The following POU3F3 variants were observed in gnomAD, a reference collection of about 807,000 sequenced individuals.
POU3F3 encodes POU domain, class 3, transcription factor 3.
Under a neutral mutation model 8.6 loss-of-function variants are expected in POU3F3, and 1 was observed. That is an observed-to-expected ratio of 0.12 (90% confidence interval 0.04 to 0.55). POU3F3 has a LOEUF of 0.55. Among genes scored for constraint, POU3F3 ranks in the 20% least tolerant of loss-of-function variants. POU3F3 has a pLI of 0.91. For missense variants in POU3F3, 577 were observed against 690.7 expected (o/e 0.84, Z 1.84); for synonymous variants, 418 against 327.4 (o/e 1.28, Z -2.99).
the POU3F3 span, among the ~76,000 whole-genome samples, chr2:104,922,677 A>T: frequency 6.6e-6 from 1 of 152,216 alleles, no homozygotes; most frequent in Non-Finnish European, 1.5e-5. Context: ...CAAGTGGGCC[A>T]ACATACATTG....
chr2:104,925,386 G>A, the POU3F3 span, among the ~76,000 whole-genome samples: 1 of 152,206 alleles, frequency 6.6e-6, no homozygotes, highest in Non-Finnish European at 1.5e-5. Context: ...GTGCTTGTGA[G>A]ATTGGAAATA....
the POU3F3 span, among the ~76,000 whole-genome samples, chr2:104,874,205 C>T: frequency 6.6e-6 from 1 of 152,132 alleles, no homozygotes; most frequent in Non-Finnish European, 1.5e-5. Flanking sequence ...AAGAACTGTC[C>T]TGGGGATTGG....
the POU3F3 span, among the ~76,000 whole-genome samples, chr2:104,875,160 C>G: frequency 6.6e-6 from 1 of 152,200 alleles, no homozygotes; most frequent in Non-Finnish European, 1.5e-5. Context: ...TAGCATGTAG[C>G]AGAATTTCCT....
At chr2:104,864,832 T>C in the POU3F3 span, among the ~76,000 whole-genome samples, 1 of 152,216 alleles carries the variant, frequency 6.6e-6, no homozygotes, top group Non-Finnish European at 1.5e-5. Flanking sequence ...GCTTTTGTTT[T>C]CTTTTTTACT....
the POU3F3 span, among the ~76,000 whole-genome samples, chr2:104,882,855 T>TA: frequency 6.6e-6 from 1 of 152,102 alleles, no homozygotes; most frequent in Non-Finnish European, 1.5e-5. Context: ...TTTCTTCCTC[T>TA]AAAAAAACCA....
At chr2:104,887,271 A>G in the POU3F3 span, among the ~76,000 whole-genome samples, 1 of 152,146 alleles carries the variant, frequency 6.6e-6, no homozygotes, top group Non-Finnish European at 1.5e-5. Context: ...CCAACCTTCT[A>G]TCTCATCCTG....
the POU3F3 span, among the ~76,000 whole-genome samples, chr2:104,884,685 C>T: frequency 1.3e-5 from 2 of 152,168 alleles, no homozygotes; most frequent in African/African-American, 4.8e-5. Flanking sequence ...CTTACAAGGA[C>T]TCTTCTCTAA....
the POU3F3 span, among the ~76,000 whole-genome samples, chr2:104,882,828 T>A: frequency 6.6e-6 from 1 of 152,218 alleles, no homozygotes; most frequent in Non-Finnish European, 1.5e-5. Flanking sequence ...TCTTTCCTTT[T>A]TAAATTTTAA....
downstream of POU3F3, chr2:104,858,610 GAA>G (rs1676619885): frequency 6.6e-6 from 1 of 152,160 alleles, no homozygotes; most frequent in South Asian, 2.1e-4. Flanking sequence ...TGTGTGGGAA[GAA>G]AAGAGTTCTT....
chr2:104,893,883 CAAAAAAAAAA>C, the POU3F3 span, among the ~76,000 whole-genome samples: 3 of 87,802 alleles, frequency 3.4e-5, no homozygotes, highest in East Asian at 1.1e-3. Context: ...AACTCTGTCT[CAAAAAAAAAA>C]AAAAAAAAAA....
chr2:104,890,520 A>T, the POU3F3 span, among the ~76,000 whole-genome samples: 2 of 152,032 alleles, frequency 1.3e-5, no homozygotes, highest in East Asian at 3.9e-4. Flanking sequence ...CCTGCTTCTG[A>T]TAAGAGAGGG....
chr2:104,923,344 C>T, the POU3F3 span, among the ~76,000 whole-genome samples: 1 of 152,048 alleles, frequency 6.6e-6, no homozygotes, highest in African/African-American at 2.4e-5. Flanking sequence ...TTGGTTTTGG[C>T]CATGCAATAT....
the POU3F3 span, among the ~76,000 whole-genome samples, chr2:104,869,269 A>T: frequency 6.6e-6 from 1 of 152,246 alleles, no homozygotes; most frequent in African/African-American, 2.4e-5. Flanking sequence ...TACAGGGGAC[A>T]GGTTCTGAAC....
At chr2:104,894,487 G>C in the POU3F3 span, among the ~76,000 whole-genome samples, 8 of 152,278 alleles carry the variant, frequency 5.3e-5, no homozygotes, top group East Asian at 1.6e-3. Context: ...GTGCCTAACA[G>C]TTCAGCCCAG....
At chr2:104,879,387 G>T in the POU3F3 span, among the ~76,000 whole-genome samples, 1 of 152,124 alleles carries the variant, frequency 6.6e-6, no homozygotes, top group Non-Finnish European at 1.5e-5. Context: ...CTGAGGTAAC[G>T]TGTGGCTGTC....
the POU3F3 span, among the ~76,000 whole-genome samples, chr2:104,918,862 C>T: frequency 1.3e-5 from 2 of 150,948 alleles, no homozygotes; most frequent in East Asian, 2.0e-4. Context: ...TTCCAGTGAC[C>T]GCTCACTCAT....
chr2:104,879,826 TG>T, the POU3F3 span, among the ~76,000 whole-genome samples: 12 of 152,124 alleles, frequency 7.9e-5, no homozygotes, highest in African/African-American at 2.7e-4. Context: ...AGAACAAGTG[TG>T]GGGTGTCTTC....
chr2:104,923,362 T>A, the POU3F3 span, among the ~76,000 whole-genome samples: 1 of 152,196 alleles, frequency 6.6e-6, no homozygotes, highest in Non-Finnish European at 1.5e-5. Flanking sequence ...TATTTAAACA[T>A]GTAAGTTTGT....
At chr2:104,884,477 A>G in the POU3F3 span, among the ~76,000 whole-genome samples, 7 of 152,226 alleles carry the variant, frequency 4.6e-5, no homozygotes, top group East Asian at 9.7e-4. Context: ...AATTTAAGAA[A>G]AGCTTCTCTG....
Sources: allele counts gnomAD v4.1 joint callset (sites outside exome capture counted in the v4.1 genomes callset), GRCh38; gene constraint gnomAD v4.1.1; transcripts MANE v1.5; gene names NCBI Gene and HGNC (gene_info 2026-07-23, HGNC 2026-07-21).